Variants in GRAMD1B observed in about 807,000 individuals in gnomAD.
GRAMD1B encodes the protein GRAM domain containing 1B.
Under a neutral mutation model 99.7 loss-of-function variants are expected in GRAMD1B, and 37 were observed. The observed-to-expected ratio is 0.37, with a 90% CI of 0.29 to 0.49. GRAMD1B has a LOEUF of 0.49. GRAMD1B is among the 20% of genes least tolerant of loss of function. The pLI is 0.98. For synonymous variants in GRAMD1B, 427 were observed against 387.6 expected (o/e 1.10, Z -1.19); for missense variants, 888 against 1,009.2 (o/e 0.88, Z 1.63).
At chr11:123,593,565 T>C (rs1169137442) in intron 4 of GRAMD1B, among the ~76,000 whole-genome samples, 2 of 152,160 alleles carry the variant, frequency 1.3e-5, no homozygotes, top group Non-Finnish European at 2.9e-5. Flanking sequence ...TCTGCGCTTA[T>C]TGCAGTACTG....
At chr11:123,460,719 G>A (rs539134071) in intron 1 of GRAMD1B, among the ~76,000 whole-genome samples, 30 of 152,232 alleles carry the variant, frequency 2.0e-4, no homozygotes, top group Non-Finnish European at 3.2e-4. Flanking sequence ...CAGGAGTGGG[G>A]CAGGGAAGGG....
chr11:123,425,448 T>C (rs112916894), upstream of GRAMD1B, among the ~76,000 whole-genome samples: 3 of 152,202 alleles, frequency 2.0e-5, no homozygotes, highest in Admixed American at 6.5e-5. Flanking sequence ...GTATCCTTGG[T>C]GTCAAGTACA....
intron 3 of GRAMD1B, among the ~76,000 whole-genome samples, chr11:123,580,089 G>A (rs904928726): frequency 1.6e-4 from 25 of 152,106 alleles, no homozygotes; most frequent in African/African-American, 5.3e-4. Context: ...CATTGCCATC[G>A]ACACTTGCCC....
At chr11:123,612,004 A>G (rs777220387) in intron 14 of GRAMD1B, among the ~76,000 whole-genome samples, 4 of 152,156 alleles carry the variant, frequency 2.6e-5, no homozygotes, top group East Asian at 3.9e-4. Flanking sequence ...AGTGACTGGG[A>G]GCAAGAATGC....
At chr11:123,569,044 G>A (rs540305944) in intron 2 of GRAMD1B, among the ~76,000 whole-genome samples, 42 of 152,316 alleles carry the variant, frequency 2.8e-4, no homozygotes, top group African/African-American at 9.1e-4. Flanking sequence ...GCACTGTTGG[G>A]CATCTGAGTC....
chr11:123,539,289 A>G (rs1234328798), intron 2 of GRAMD1B, among the ~76,000 whole-genome samples: 2 of 152,102 alleles, frequency 1.3e-5, no homozygotes, highest in African/African-American at 4.8e-5. Flanking sequence ...TACAAGTAAC[A>G]TTACCAACGC....
chr11:123,435,484 A>G (rs1949118367), intron 1 of GRAMD1B: 1 of 702,206 alleles, frequency 1.4e-6, no homozygotes, highest in Non-Finnish European at 2.6e-6. Context: ...GAAGAGGATT[A>G]GGAGACCCTT....
intron 17 of GRAMD1B, among the ~76,000 whole-genome samples, chr11:123,617,724 C>T (rs1954618218): frequency 6.6e-6 from 1 of 152,126 alleles, no homozygotes; most frequent in South Asian, 2.1e-4. Context: ...GGTTTGCATC[C>T]AGTTTTGTGT....
chr11:123,606,616 G>A lies in GRAMD1B; in HGVS notation c.1331G>A (p.Gly444Glu), dbSNP rs748398230. 4 of 1,609,556 alleles carry A rather than the reference G, an allele frequency of 2.5e-6. No individual in the cohort carries two copies. Among genetic ancestry groups the A allele is most frequent in the Non-Finnish European group, 3.4e-6 (4 of 1,178,238 alleles). ...GSSEAPVSFDGLPLEEEALEG... is the reference protein window; with the variant it reads ...GSSEAPVSFDELPLEEEALEG... ...CCTCTGTCTTGGCTCCAGTTTGATG[G>A]GCTGCCCCTGGAGGAAGAGGCGCTG... Residue 444 changes from glycine (G) to glutamate (E), a missense_variant, in exon 11 of 20, where the codon GGG becomes GAG. Physicochemically the swap from Gly to Glu is moderately conservative, Grantham distance 98. Coordinates refer to ENST00000635736, the MANE Select transcript of GRAMD1B (RefSeq NM_001387025.1).
In GRAMD1B at chr11:123,623,267, C is replaced by T. The variant is rs1225569624; in HGVS notation, c.*672C>T. 2 of 152,138 alleles carry T rather than the reference C, an allele frequency of 1.3e-5. No homozygotes were observed. Among genetic ancestry groups the T allele is most frequent in the Non-Finnish European group, 2.9e-5 (2 of 68,030 alleles). The allele number at this position is 152,138 out of a possible 1,614,324, so 9.4% of individuals were successfully genotyped here. ...TCTCCTCCATCACCCCTGCACCTTCCTCCGACCTGTGTAGGGTGTGGACCC... is the reference window on the plus strand; with the variant it reads ...TCTCCTCCATCACCCCTGCACCTTCTTCCGACCTGTGTAGGGTGTGGACCC... On this transcript the variant is annotated 3_prime_UTR_variant, in exon 20 of 20. Transcript: ENST00000635736.
chr11:123,416,292 A>T (rs1022437378), intron 1 of GRAMD1B, among the ~76,000 whole-genome samples: 3 of 152,178 alleles, frequency 2.0e-5, no homozygotes, highest in African/African-American at 7.2e-5. Context: ...TGTGATGGAG[A>T]TGATAACTGA....
At chr11:123,471,634 G>A (rs2714042) in intron 1 of GRAMD1B, among the ~76,000 whole-genome samples, 106,458 of 152,134 alleles carry the variant, frequency 0.7, 39,243 homozygotes, top group African/African-American at 0.92. Flanking sequence ...AACTATTGTC[G>A]TTGGTCTTGG....
At chr11:123,404,121 A>G (rs1167498566) in intron 1 of GRAMD1B, among the ~76,000 whole-genome samples, 1 of 152,138 alleles carries the variant, frequency 6.6e-6, no homozygotes, top group Non-Finnish European at 1.5e-5. Flanking sequence ...TGGTTGCTGA[A>G]TTCAGAAGTT....
intron 2 of GRAMD1B, among the ~76,000 whole-genome samples, chr11:123,551,607 T>C (rs1945623005): frequency 6.6e-6 from 1 of 152,154 alleles, no homozygotes. Flanking sequence ...TTGTTGTATA[T>C]GTGATTATTT....
intron 1 of GRAMD1B, among the ~76,000 whole-genome samples, chr11:123,475,214 A>T (rs956716073): frequency 1.2e-4 from 18 of 152,198 alleles, no homozygotes; most frequent in Non-Finnish European, 2.1e-4. Context: ...GAATTTGCCC[A>T]GCCCGCATTG....
intron 1 of GRAMD1B, among the ~76,000 whole-genome samples, chr11:123,469,033 G>A (rs113870062): frequency 7.9e-5 from 12 of 151,986 alleles, no homozygotes; most frequent in Admixed American, 2.0e-4. Context: ...TGGAAGAGTC[G>A]ACTTGAACTC....
At chr11:123,419,473 T>C (rs976212394) in intron 1 of GRAMD1B, among the ~76,000 whole-genome samples, 1 of 152,010 alleles carries the variant, frequency 6.6e-6, no homozygotes, top group African/African-American at 2.4e-5. Context: ...CTACAAAAAA[T>C]AATAAAAATT....
At chr11:123,490,043 C>T (rs957905245) in intron 2 of GRAMD1B, among the ~76,000 whole-genome samples, 5 of 152,106 alleles carry the variant, frequency 3.3e-5, no homozygotes, top group Admixed American at 2.0e-4. Context: ...CCAGTCTGGG[C>T]GTAGAGCAAG....
At chr11:123,529,672 G>C (rs1005681323) in intron 2 of GRAMD1B, among the ~76,000 whole-genome samples, 1 of 152,192 alleles carries the variant, frequency 6.6e-6, no homozygotes, top group Non-Finnish European at 1.5e-5. Flanking sequence ...GTTTTTTAAA[G>C]AGTAACTCAC....
Sources: allele counts gnomAD v4.1 joint callset (sites outside exome capture counted in the v4.1 genomes callset), GRCh38; gene constraint gnomAD v4.1.1; transcripts MANE v1.5; gene names NCBI Gene and HGNC (gene_info 2026-07-23, HGNC 2026-07-21).